Variants in ZNF248 observed in about 807,000 individuals in gnomAD.
ZNF248 encodes KRAB protein domain.
ZNF248 carries 20 observed loss-of-function variants against 44.3 expected under a neutral mutation model. The observed-to-expected ratio is 0.45, with a 90% CI of 0.32 to 0.66. The LOEUF (loss-of-function observed/expected upper bound fraction) is 0.66, where lower values mean the gene tolerates loss of function less well. Ranked by LOEUF, ZNF248 falls within the 30% of genes least tolerant of loss-of-function variation. The pLI is 0.04. For synonymous variants in ZNF248, 224 were observed against 229.0 expected (o/e 0.98, Z 0.20); for missense variants, 654 against 677.0 (o/e 0.97, Z 0.38).
chr10:37,787,252 C>T (rs2047988480), intron 6 of ZNF248, among the ~76,000 whole-genome samples: 1 of 151,892 alleles, frequency 6.6e-6, no homozygotes, highest in South Asian at 2.1e-4. Context: ...GCACTCCAGC[C>T]TGGGTGACAG....
intron 6 of ZNF248, among the ~76,000 whole-genome samples, chr10:37,791,198 C>T (rs140791586): frequency 0.042 from 6,315 of 151,298 alleles, 466 homozygotes; most frequent in African/African-American, 0.15. Context: ...CCCGCCACCA[C>T]GACCGGCTAA....
chr10:37,767,259 A>C, the ZNF248 span, among the ~76,000 whole-genome samples: 4 of 152,272 alleles, frequency 2.6e-5, no homozygotes, highest in Non-Finnish European at 5.9e-5. Flanking sequence ...GTTCAGATTC[A>C]GGAAATATAG....
chr10:37,767,925 A>G, the ZNF248 span, among the ~76,000 whole-genome samples: 4 of 152,194 alleles, frequency 2.6e-5, no homozygotes. Flanking sequence ...AAAGGGATGG[A>G]GGAAGATCTA....
intron 6 of ZNF248, among the ~76,000 whole-genome samples, chr10:37,810,709 C>T (rs2051351238): frequency 6.6e-6 from 1 of 152,112 alleles, no homozygotes; most frequent in South Asian, 2.1e-4. Context: ...TCTAGAAATA[C>T]ACAAATTTCC....
chr10:37,765,109 C>T, the ZNF248 span, among the ~76,000 whole-genome samples: 1 of 151,982 alleles, frequency 6.6e-6, no homozygotes, highest in South Asian at 2.1e-4. Context: ...TACAGGCCAC[C>T]ATGCCCAGCT....
chr10:37,824,728 C>T (rs1449294301), downstream of ZNF248, among the ~76,000 whole-genome samples: 2 of 111,146 alleles, frequency 1.8e-5, no homozygotes, highest in African/African-American at 7.1e-5. Flanking sequence ...GTAGCCCAGG[C>T]TGGAGTGGAG....
At chr10:37,847,152 C>T (rs1315348392) in intron 3 of ZNF248, among the ~76,000 whole-genome samples, 2 of 152,192 alleles carry the variant, frequency 1.3e-5, no homozygotes, top group Non-Finnish European at 2.9e-5. Context: ...CCTCCCACCT[C>T]AGCCTCCTGA....
At chr10:37,779,820 C>T (rs901414362) in intron 6 of ZNF248, among the ~76,000 whole-genome samples, 1 of 150,224 alleles carries the variant, frequency 6.7e-6, no homozygotes, top group Non-Finnish European at 1.5e-5. Context: ...AGCAAAGTCT[C>T]AGGATACAAA....
intron 6 of ZNF248, among the ~76,000 whole-genome samples, chr10:37,793,160 C>T (rs1166239897): frequency 6.6e-6 from 1 of 151,802 alleles, no homozygotes; most frequent in Non-Finnish European, 1.5e-5. Flanking sequence ...GGTGAAACCC[C>T]ATCTCTACTA....
intron 5 of ZNF248, among the ~76,000 whole-genome samples, chr10:37,834,077 A>G (rs528763646): frequency 1.2e-4 from 18 of 152,222 alleles, no homozygotes; most frequent in African/African-American, 4.3e-4. Flanking sequence ...AACTAGAAAC[A>G]TTTTATCCTT....
chr10:37,832,664 T>C lies in ZNF248; in HGVS notation c.691A>G (p.Thr231Ala), dbSNP rs1339877050. ...QGFHDEAAFF[T>A]NKRSQIGETV... ...TCTCCTATCTGAGATCTCTTATTTG[T>C]AAAAAATGCTGCCTCATCATGGAAG... The change falls in exon 6 of 6, where the codon ACA becomes GCA. Residue 231 changes from threonine to alanine, a missense_variant. Transcript: ENST00000395867. The C allele has an allele frequency of 1.2e-6, 2 of 1,613,234 alleles. No homozygotes were observed. The highest frequency in any genetic ancestry group is 1.1e-5 in the South Asian group (1 of 91,084).
intron 3 of ZNF248, among the ~76,000 whole-genome samples, chr10:37,845,632 A>C (rs1487531431): frequency 1.3e-5 from 2 of 152,162 alleles, no homozygotes; most frequent in Non-Finnish European, 2.9e-5. Flanking sequence ...ATGACAAACA[A>C]CAGATATGCA....
chr10:37,844,526 T>C (rs997243881), intron 3 of ZNF248, among the ~76,000 whole-genome samples: 2 of 152,240 alleles, frequency 1.3e-5, no homozygotes. Flanking sequence ...GGAAAATGCA[T>C]ACACAGTAAT....
chr10:37,819,834 T>G, intron 6 of ZNF248: 1 of 787,014 alleles, frequency 1.3e-6, no homozygotes, highest in South Asian at 1.3e-5. Context: ...TTTGCTAACA[T>G]TTTCCGTTGT....
Position 37,851,257 on chromosome 10 carries a change from T to C in ZNF248, c.15+5039A>G, listed in dbSNP as rs529300344. The stretch of plus-strand genomic sequence containing the variant: ...CATGGATTTACGAAGACAAAAGGTA[T>C]CCTTGCCTCCCCATCTATCAAGGAG... On this transcript the variant is annotated intron_variant, in intron 3 of 5. Transcript: ENST00000395867. Among the ~76,000 whole-genome samples the C allele has an allele frequency of 2.6e-5, 4 of 152,302 alleles. No individual in the cohort carries two copies. The East Asian group carries it at 7.7e-4, about 29-fold the overall frequency.
downstream of ZNF248, among the ~76,000 whole-genome samples, chr10:37,775,937 G>T (rs1328765064): frequency 6.6e-6 from 1 of 152,158 alleles, no homozygotes; most frequent in South Asian, 2.1e-4. Flanking sequence ...TTCCTGCTCT[G>T]CCATTTACAA....
intron 6 of ZNF248, chr10:37,818,956 G>C: frequency 9.1e-7 from 1 of 1,098,764 alleles, no homozygotes; most frequent in Admixed American, 1.7e-5. Context: ...TGAGATCTTT[G>C]GTGGTTCTTT....
At chr10:37,840,490 T>A (rs1354010491) in intron 3 of ZNF248, among the ~76,000 whole-genome samples, 1 of 152,240 alleles carries the variant, frequency 6.6e-6, no homozygotes, top group African/African-American at 2.4e-5. Context: ...ATTAAAATGG[T>A]TAAATTCAAA....
intron 5 of ZNF248, among the ~76,000 whole-genome samples, chr10:37,833,800 A>G (rs2056503610): frequency 6.6e-6 from 1 of 152,140 alleles, no homozygotes; most frequent in Non-Finnish European, 1.5e-5. Context: ...TCAAGACATG[A>G]TAAACAGGAG....
Sources: allele counts gnomAD v4.1 joint callset (sites outside exome capture counted in the v4.1 genomes callset), GRCh38; gene constraint gnomAD v4.1.1; transcripts MANE v1.5; gene names NCBI Gene and HGNC (gene_info 2026-07-23, HGNC 2026-07-21).